The following ALK variants were observed in gnomAD, a reference collection of about 807,000 sequenced individuals.
ALK encodes the protein ALK tyrosine kinase receptor.
ALK carries 74 observed loss-of-function variants against 163.1 expected under a neutral mutation model. The observed-to-expected ratio is 0.45, with a 90% CI of 0.38 to 0.55. The LOEUF is 0.55. ALK is among the 20% of genes least tolerant of loss of function. The pLI is 0.00. For missense variants in ALK, 2,063 were observed against 2,105.3 expected (o/e 0.98, Z 0.39); for synonymous variants, 960 against 843.2 (o/e 1.14, Z -2.40).
Position 29,719,538 on chromosome 2 carries a change from C to G in ALK, c.668-1841G>C, listed in dbSNP as rs181429985. 1.1e-3 allele frequency among the ~76,000 whole-genome samples: 165 copies of G among 152,262 alleles called. 1 individual carries two copies. Among genetic ancestry groups the G allele is most frequent in the Non-Finnish European group, 1.8e-3 (122 of 68,026 alleles). On this transcript the variant is annotated intron_variant, in intron 1 of 28. Transcript: ENST00000389048. ...AGCCTTTTAAAAAATTAGTATGTATCGAGCACATATGGACCGGTATGATGC... is the reference window on the plus strand; with the variant it reads ...AGCCTTTTAAAAAATTAGTATGTATGGAGCACATATGGACCGGTATGATGC...
In ALK at chr2:29,296,907, G is replaced by A. The variant is rs2148231015; in HGVS notation, c.1798C>T (p.Leu600Phe). 1 of 1,614,176 alleles carries A rather than the reference G, an allele frequency of 6.2e-7. No homozygotes were observed. The change falls in exon 9 of 29, where the codon CTC (leucine) becomes TTC (phenylalanine). Residue 600 changes from leucine (L) to phenylalanine (F), a missense_variant. By Grantham distance (22) the Leu-to-Phe change is conservative. This residue lies in a region of ALK where 987 missense variants were observed against 939.5 expected (regional missense o/e 1.05). Transcript: ENST00000389048. ...GCCTACCTGTCAGACACATCGAGGA[G>A]AGGCAACACCATCCACTGCCACAGG... is the stretch of plus-strand genomic sequence containing the variant. Reference protein sequence around the residue: ...LSLWQWMVLPLLDVSDRFWLQ... With the variant: ...LSLWQWMVLPFLDVSDRFWLQ...
At chr2:29,388,836 A>C (rs1001296473) in intron 4 of ALK, among the ~76,000 whole-genome samples, 6 of 152,196 alleles carry the variant, frequency 3.9e-5, no homozygotes, top group African/African-American at 1.4e-4. Flanking sequence ...CGTTTGTTTA[A>C]ATAAAGAAAA....
chr2:29,383,270 G>A (rs1365298472), intron 5 of ALK, among the ~76,000 whole-genome samples: 1 of 151,892 alleles, frequency 6.6e-6, no homozygotes, highest in African/African-American at 2.4e-5. Context: ...TGATTATCTG[G>A]GATATGGATC....
intron 2 of ALK, among the ~76,000 whole-genome samples, chr2:29,696,530 T>TAAAAAAAAAAAAAAAAA (rs60320646): frequency 9.6e-6 from 1 of 103,850 alleles, no homozygotes. Flanking sequence ...CTTAAAGGAT[T>TAAAAAAAAAAAAAAAAA]AAAAAAAAAA....
intron 9 of ALK, among the ~76,000 whole-genome samples, chr2:29,283,690 T>A (rs969984510): frequency 2.0e-5 from 3 of 152,158 alleles, no homozygotes; most frequent in Admixed American, 6.5e-5. Context: ...ACTTTTAAGG[T>A]GCCATCTTGG....
At chr2:29,623,179 A>T (rs565059318) in intron 3 of ALK, among the ~76,000 whole-genome samples, 13 of 152,332 alleles carry the variant, frequency 8.5e-5, no homozygotes, top group African/African-American at 3.1e-4. Context: ...AATGTTATCA[A>T]CTTTGACCCT....
At chr2:29,527,767 G>A (rs1002859843) in intron 4 of ALK, among the ~76,000 whole-genome samples, 4 of 152,070 alleles carry the variant, frequency 2.6e-5, no homozygotes, top group Non-Finnish European at 5.9e-5. Context: ...CTCCCGCCTT[G>A]GTCTCCCAAA....
At chr2:29,440,245 C>CAAAAAA (rs575765361) in intron 4 of ALK, among the ~76,000 whole-genome samples, 3 of 149,956 alleles carry the variant, frequency 2.0e-5, no homozygotes, top group East Asian at 3.9e-4. Context: ...AAAACAAAAA[C>CAAAAAA]AAAAAAAACC....
intron 4 of ALK, among the ~76,000 whole-genome samples, chr2:29,504,157 G>A (rs1188711529): frequency 6.6e-6 from 1 of 152,066 alleles, no homozygotes; most frequent in Non-Finnish European, 1.5e-5. Flanking sequence ...AGGATGAGTG[G>A]GAGGTGACAG....
chr2:29,398,439 G>A (rs1396326100), intron 4 of ALK, among the ~76,000 whole-genome samples: 5 of 152,106 alleles, frequency 3.3e-5, no homozygotes, highest in African/African-American at 1.2e-4. Flanking sequence ...TATGCAAAGT[G>A]TCTTAATACA....
At chr2:29,689,089 G>T (rs1287157416) in intron 3 of ALK, among the ~76,000 whole-genome samples, 1 of 152,128 alleles carries the variant, frequency 6.6e-6, no homozygotes, top group Non-Finnish European at 1.5e-5. Context: ...TCCTCACCTA[G>T]GGAACTTGCT....
At chr2:29,306,327 C>A (rs1666508809) in intron 8 of ALK, among the ~76,000 whole-genome samples, 1 of 152,208 alleles carries the variant, frequency 6.6e-6, no homozygotes, top group Non-Finnish European at 1.5e-5. Flanking sequence ...GACCTGGAGT[C>A]CACACTATGC....
At chr2:29,760,905 A>T (rs1045679754) in intron 1 of ALK, among the ~76,000 whole-genome samples, 2 of 152,124 alleles carry the variant, frequency 1.3e-5, no homozygotes, top group African/African-American at 4.8e-5. Flanking sequence ...GCACACCTAC[A>T]TGCATCCAGA....
intron 3 of ALK, among the ~76,000 whole-genome samples, chr2:29,651,778 A>T (rs1223332222): frequency 1.3e-5 from 2 of 152,186 alleles, no homozygotes; most frequent in Non-Finnish European, 2.9e-5. Context: ...ATCTTTCTGC[A>T]GCATTCAACT....
At chr2:29,583,021 C>T (rs1674760166) in intron 3 of ALK, among the ~76,000 whole-genome samples, 1 of 146,646 alleles carries the variant, frequency 6.8e-6, no homozygotes, top group East Asian at 2.1e-4. Context: ...TGCCACCATG[C>T]CTGGCTAACT....
Position 29,223,400 on chromosome 2 carries a change from T to C in ALK, c.3301A>G (p.Lys1101Glu), listed in dbSNP as rs2148170833. 6.2e-7 allele frequency: 1 copy of C among 1,614,172 alleles called. No individual in the cohort carries two copies. The highest frequency in any genetic ancestry group is 8.5e-7 in the Non-Finnish European group (1 of 1,180,038). ...DYNPNYCFAG[K>E]TSSISDLKEV... ...TTCAGGTCACTGATGGAGGAGGTCT[T>C]GCCAGCAAAGCAGTAGTTGGGGTTG... The change falls in exon 20 of 29, where the codon AAG (lysine) becomes GAG (glutamate). Residue 1101 changes from lysine (K) to glutamate (E), a missense_variant. Transcript: ENST00000389048.
At chr2:29,736,570 T>C (rs759950379) in intron 1 of ALK, among the ~76,000 whole-genome samples, 4 of 152,096 alleles carry the variant, frequency 2.6e-5, no homozygotes, top group African/African-American at 9.7e-5. Flanking sequence ...AATGAAGCAA[T>C]GTTTCCTGTA....
chr2:29,241,369 A>G (rs965931326), intron 12 of ALK, among the ~76,000 whole-genome samples: 10 of 152,044 alleles, frequency 6.6e-5, no homozygotes, highest in African/African-American at 2.4e-4. Context: ...GAGAAGAATC[A>G]TTTTCATTCC....
At chr2:29,555,408 A>G (rs1673825013) in intron 3 of ALK, among the ~76,000 whole-genome samples, 1 of 152,118 alleles carries the variant, frequency 6.6e-6, no homozygotes, top group Non-Finnish European at 1.5e-5. Context: ...GGCTGCTGAA[A>G]TTTACTGGGT....
Sources: gnomAD v4.1 joint callset for allele counts (sites outside exome capture counted in the v4.1 genomes callset) on GRCh38, gnomAD v4.1.1 for gene constraint, gnomAD v4.1.1 regional missense constraint, MANE v1.5 for transcripts, NCBI Gene and HGNC (gene_info 2026-07-23, HGNC 2026-07-21) for gene names.